The following CDCA2 variants were observed in gnomAD, a reference collection of about 807,000 sequenced individuals.
CDCA2 encodes the protein cell division cycle associated 2.
In CDCA2, 44 loss-of-function variants were observed where a neutral mutation model predicts 67.0. The observed-to-expected ratio is 0.66, with a 90% CI of 0.52 to 0.84. The LOEUF (loss-of-function observed/expected upper bound fraction) is 0.84. Ranked by LOEUF, CDCA2 falls within the 40% of genes least tolerant of loss-of-function variation. The pLI is 0.00. For missense variants in CDCA2, 1,253 were observed against 1,203.2 expected, an observed-to-expected ratio of 1.04 and a Z score of -0.61; for synonymous variants, 447 against 418.7, an observed-to-expected ratio of 1.07 and a Z score of -0.82.
Position 25,497,592 on chromosome 8 carries a change from T to C in CDCA2, c.1672-5781T>C, listed in dbSNP as rs1804285891. Among the ~76,000 whole-genome samples the C allele has an allele frequency of 1.3e-5, 2 of 150,798 alleles. 1 individual carries two copies. Among genetic ancestry groups the C allele is most frequent in the Admixed American group, 1.3e-4 (2 of 15,140 alleles). On this transcript the variant is annotated intron_variant, in intron 13 of 14. Transcript: ENST00000330560. ...GCTTGAGTGGTGGGGGATGAGGAGATGTTGGTTCAAGGGTACAAAGTTTCA... is the reference window on the plus strand; with the variant it reads ...GCTTGAGTGGTGGGGGATGAGGAGACGTTGGTTCAAGGGTACAAAGTTTCA...
chr8:25,463,288 C>T (rs867550024), intron 4 of CDCA2, among the ~76,000 whole-genome samples: 2 of 152,128 alleles, frequency 1.3e-5, no homozygotes, highest in Admixed American at 1.3e-4. Flanking sequence ...AAGTCAGATA[C>T]AGTCTTGTGC....
In CDCA2 at chr8:25,506,862, C is replaced by G. The variant is rs754554920; in HGVS notation, c.2196C>G (p.Thr732=). 6.2e-7 allele frequency: 1 copy of G among 1,612,862 alleles called. No individual in the cohort carries two copies. The highest frequency in any genetic ancestry group is 2.2e-5 in the East Asian group (1 of 44,870). ...CAGATAGTCCCAAACCTGCTCTGAC[C>G]CTGCAGCAGGGTCAAGAATTTTCTG... ...VASDSPKPAL[T]LQQGQEFSAG... Residue 732 remains threonine (T), a synonymous_variant, in exon 15 of 15, where the codon ACC becomes ACG. Coordinates refer to ENST00000330560, the MANE Select transcript of CDCA2 (RefSeq NM_152562.4).
chr8:25,470,429 A>G (rs535514346), intron 7 of CDCA2, among the ~76,000 whole-genome samples: 1 of 152,294 alleles, frequency 6.6e-6, no homozygotes, highest in African/African-American at 2.4e-5. Flanking sequence ...TGGGCATATA[A>G]TTGGATCTTG....
At chr8:25,467,058 A>C (rs1250118024) in intron 5 of CDCA2, among the ~76,000 whole-genome samples, 2 of 141,632 alleles carry the variant, frequency 1.4e-5, no homozygotes, top group Non-Finnish European at 3.0e-5. Flanking sequence ...AAAAAAAAAA[A>C]AAAAAAAACA....
intron 5 of CDCA2, among the ~76,000 whole-genome samples, chr8:25,466,864 G>A (rs2117483634): frequency 6.6e-6 from 1 of 151,812 alleles, no homozygotes; most frequent in South Asian, 2.1e-4. Context: ...CCAACATGGT[G>A]AAACCCTGTC....
At position 25,506,678 on chromosome 8, in the gene CDCA2, A is replaced by T; in HGVS notation, c.2012A>T (p.Asn671Ile). 2 of 1,612,546 alleles carry T rather than the reference A, an allele frequency of 1.2e-6. No individual in the cohort carries two copies. The highest frequency in any genetic ancestry group is 1.7e-6 in the Non-Finnish European group (2 of 1,179,654). ...SYIKSSSSLG[N>I]ATSDEDPNTN... is the part of the protein sequence containing the mutation. ...ATAAAAAGTTCCTCATCGCTTGGCA[A>T]TGCTACTTCTGATGAAGATCCAAAT... The change falls in exon 15 of 15, where the codon AAT (asparagine) becomes ATT (isoleucine). Residue 671 changes from asparagine to isoleucine, a missense_variant. Asn to Ile is a moderately radical substitution (Grantham distance 149). Coordinates refer to ENST00000330560, the MANE Select transcript of CDCA2 (RefSeq NM_152562.4).
intron 13 of CDCA2, among the ~76,000 whole-genome samples, chr8:25,494,336 C>A (rs1478523350): frequency 6.6e-6 from 1 of 151,722 alleles, no homozygotes; most frequent in East Asian, 1.9e-4. Context: ...TTCAGAAAAA[C>A]CCAATAACAA....
At chr8:25,462,456 ATC>A (rs1802733137) in intron 4 of CDCA2, among the ~76,000 whole-genome samples, 1 of 152,082 alleles carries the variant, frequency 6.6e-6, no homozygotes, top group Non-Finnish European at 1.5e-5. Flanking sequence ...GTGAAACCCC[ATC>A]TCTACTAAAA....
chr8:25,498,240 C>G (rs1804313710), intron 13 of CDCA2, among the ~76,000 whole-genome samples: 1 of 152,112 alleles, frequency 6.6e-6, no homozygotes, highest in South Asian at 2.1e-4. Context: ...TGGAGTCTCG[C>G]TCTGTCGCCC....
Position 25,469,889 on chromosome 8 carries a change from C to A in CDCA2, c.736-7C>A. ...AAAATGTAATACTCTTTCAATTTTTCCCCAAGATATCATCTAAACTTGGTT... is the reference window on the plus strand; with the variant it reads ...AAAATGTAATACTCTTTCAATTTTTACCCAAGATATCATCTAAACTTGGTT... On this transcript the variant is annotated splice_polypyrimidine_tract_variant and splice_region_variant and intron_variant, in intron 6 of 14. Transcript: ENST00000330560. 1 of 1,590,516 alleles carries A rather than the reference C, an allele frequency of 6.3e-7. No homozygotes were observed. Among genetic ancestry groups the A allele is most frequent in the South Asian group, 1.1e-5 (1 of 89,422 alleles).
At chr8:25,490,843 C>A (rs1803973815) in intron 13 of CDCA2, among the ~76,000 whole-genome samples, 1 of 152,098 alleles carries the variant, frequency 6.6e-6, no homozygotes, top group Non-Finnish European at 1.5e-5. Context: ...AGGATTTCCA[C>A]GCAGGAAAGA....
chr8:25,468,564 T>TGTGTGCGTGC (rs1554520645), intron 6 of CDCA2, 151 bp downstream of exon 6: 3 of 447,074 alleles, frequency 6.7e-6, no homozygotes, highest in South Asian at 4.0e-5. Flanking sequence ...TGTGCGTGTG[T>TGTGTGCGTGC]GTGTGTGTGT....
intron 6 of CDCA2, among the ~76,000 whole-genome samples, chr8:25,469,488 A>G (rs1394557927): frequency 2.6e-5 from 4 of 152,282 alleles, no homozygotes; most frequent in Non-Finnish European, 5.9e-5. Flanking sequence ...AATGTTTTTC[A>G]TATCCTAGTT....
At chr8:25,481,510 G>A (rs942549826) in intron 8 of CDCA2, among the ~76,000 whole-genome samples, 1 of 152,012 alleles carries the variant, frequency 6.6e-6, no homozygotes, top group African/African-American at 2.4e-5. Context: ...CTGACACAGT[G>A]AAACCCCATC....
At chr8:25,462,341 T>TA (rs1802727325) in intron 4 of CDCA2, 133 bp downstream of exon 4, 3 of 1,035,722 alleles carry the variant, frequency 2.9e-6, no homozygotes, top group South Asian at 3.1e-5. Flanking sequence ...AACATGCAGT[T>TA]AGCGGCCGGG....
chr8:25,478,263 G>T (rs980240412), intron 7 of CDCA2, among the ~76,000 whole-genome samples: 1 of 152,010 alleles, frequency 6.6e-6, no homozygotes. Context: ...ACTTGTAATC[G>T]CATTGACAAA....
chr8:25,496,761 G>A (rs960820702), intron 13 of CDCA2, among the ~76,000 whole-genome samples: 1 of 152,144 alleles, frequency 6.6e-6, no homozygotes, highest in Non-Finnish European at 1.5e-5. Context: ...AAGTGTTGGA[G>A]AGGATATGGA....
chr8:25,502,658 A>G (rs375276691), intron 13 of CDCA2, among the ~76,000 whole-genome samples: 3 of 152,200 alleles, frequency 2.0e-5, no homozygotes, highest in African/African-American at 7.2e-5. Context: ...GCAGTCTCCC[A>G]TAGCTTGCAG....
chr8:25,464,162 C>T (rs1339458530), intron 4 of CDCA2, among the ~76,000 whole-genome samples: 1 of 152,126 alleles, frequency 6.6e-6, no homozygotes, highest in Non-Finnish European at 1.5e-5. Context: ...CACTGTAATC[C>T]CAGAACTTTG....
Sources: allele counts gnomAD v4.1 joint callset (sites outside exome capture counted in the v4.1 genomes callset), GRCh38; gene constraint gnomAD v4.1.1; transcripts MANE v1.5; gene names NCBI Gene and HGNC (gene_info 2026-07-23, HGNC 2026-07-21).